The following INPP4A variants were observed in gnomAD, a reference collection of about 807,000 sequenced individuals.
INPP4A encodes inositol polyphosphate-4-phosphatase type I A, also known as inositol polyphosphate-4-phosphatase, type I, 107kD.
INPP4A carries 33 observed loss-of-function variants against 119.8 expected under a neutral mutation model. The observed-to-expected ratio is 0.28, with a 90% CI of 0.21 to 0.37. The LOEUF (loss-of-function observed/expected upper bound fraction) is 0.37. INPP4A is among the 10% of genes least tolerant of loss of function. The probability of loss-of-function intolerance (pLI) is 1.00; values close to 1 mark genes in which losing one functional copy is unlikely to be tolerated. For missense variants in INPP4A, 956 were observed against 1,289.9 expected (o/e 0.74, Z 3.97); for synonymous variants, 496 against 500.7 (o/e 0.99, Z 0.12).
chr2:98,475,120 A>G (rs928200302), intron 1 of INPP4A, among the ~76,000 whole-genome samples: 3 of 152,076 alleles, frequency 2.0e-5, no homozygotes, highest in African/African-American at 7.2e-5. Context: ...ATGAGTACAA[A>G]TTGTCAAGCA....
intron 24 of INPP4A, among the ~76,000 whole-genome samples, chr2:98,578,782 A>G (rs1240772175): frequency 1.3e-5 from 2 of 152,204 alleles, no homozygotes; most frequent in East Asian, 3.8e-4. Context: ...AATACAGATA[A>G]GCCCCTACAC....
chr2:98,561,265 G>A (rs1695422928), intron 17 of INPP4A, among the ~76,000 whole-genome samples: 1 of 152,222 alleles, frequency 6.6e-6, no homozygotes, highest in East Asian at 1.9e-4. Flanking sequence ...GGTCAGCGAC[G>A]TCACTCAGGA....
chr2:98,490,925 C>T (rs570063320), intron 1 of INPP4A, among the ~76,000 whole-genome samples: 136 of 152,178 alleles, frequency 8.9e-4, no homozygotes, highest in African/African-American at 3.1e-3. Context: ...GAAAACAAAA[C>T]GAAAACCCTT....
chr2:98,556,093 G>A, intron 16 of INPP4A: 3 of 389,208 alleles, frequency 7.7e-6, no homozygotes, highest in Non-Finnish European at 1.4e-5. Context: ...TTGGGCTCCT[G>A]GGCTTTTCAG....
At chr2:98,586,457 A>G in intron 24 of INPP4A, among the ~76,000 whole-genome samples, 1 of 152,132 alleles carries the variant, frequency 6.6e-6, no homozygotes, top group Non-Finnish European at 1.5e-5. Context: ...ACTAAATTTG[A>G]TAACTAGTTG....
chr2:98,492,995 A>G (rs551268713), intron 1 of INPP4A, among the ~76,000 whole-genome samples: 55 of 152,246 alleles, frequency 3.6e-4, no homozygotes, highest in African/African-American at 1.2e-3. Flanking sequence ...ATTATGGGCA[A>G]TGGTTTTATC....
chr2:98,471,988 C>T (rs1283017544), intron 1 of INPP4A, among the ~76,000 whole-genome samples: 1 of 152,198 alleles, frequency 6.6e-6, no homozygotes, highest in Non-Finnish European at 1.5e-5. Flanking sequence ...TGGAGGGCCA[C>T]CTGTCCTTGT....
intron 24 of INPP4A, among the ~76,000 whole-genome samples, chr2:98,582,749 CAG>C (rs1699500789): frequency 1.3e-5 from 2 of 151,522 alleles, no homozygotes; most frequent in Admixed American, 6.6e-5. Flanking sequence ...CTGCATACGC[CAG>C]ACACAGATCA....
chr2:98,551,530 C>T (rs1693517394), intron 13 of INPP4A, among the ~76,000 whole-genome samples: 1 of 152,182 alleles, frequency 6.6e-6, no homozygotes, highest in Non-Finnish European at 1.5e-5. Context: ...CATAATCCAG[C>T]AAGGGAAGGG....
chr2:98,536,641 C>G (rs1423415269), intron 7 of INPP4A, among the ~76,000 whole-genome samples: 1 of 152,140 alleles, frequency 6.6e-6, no homozygotes, highest in African/African-American at 2.4e-5. Flanking sequence ...CCCACTGTCT[C>G]CCAGGATGGA....
chr2:98,527,587 G>A (rs531258342), intron 4 of INPP4A, among the ~76,000 whole-genome samples: 3 of 152,310 alleles, frequency 2.0e-5, no homozygotes, highest in South Asian at 2.1e-4. Context: ...CTCAGGAGAC[G>A]TGAAAAGGCC....
chr2:98,484,527 G>C (rs1210806102), intron 1 of INPP4A, among the ~76,000 whole-genome samples: 1 of 152,100 alleles, frequency 6.6e-6, no homozygotes, highest in Non-Finnish European at 1.5e-5. Flanking sequence ...TGTGGAAGGA[G>C]AGCCCTTCCA....
At chr2:98,485,807 T>C (rs960382524) in intron 1 of INPP4A, among the ~76,000 whole-genome samples, 5 of 152,236 alleles carry the variant, frequency 3.3e-5, no homozygotes, top group African/African-American at 1.2e-4. Flanking sequence ...ACTGAGAAAA[T>C]AGACATCTAT....
chr2:98,496,610 A>C (rs1682009282), intron 1 of INPP4A, among the ~76,000 whole-genome samples: 1 of 152,182 alleles, frequency 6.6e-6, no homozygotes, highest in Non-Finnish European at 1.5e-5. Flanking sequence ...AAATATTTGC[A>C]AACTATACAT....
At chr2:98,538,030 A>G in intron 8 of INPP4A, 56 bp downstream of exon 8, 1 of 1,198,912 alleles carries the variant, frequency 8.3e-7, no homozygotes, top group Middle Eastern at 2.1e-4. Flanking sequence ...ATTAATCAGT[A>G]AAAATGCAGC....
intron 17 of INPP4A, among the ~76,000 whole-genome samples, chr2:98,561,816 G>GCATGTACT (rs1321793476): frequency 6.6e-6 from 1 of 152,228 alleles, no homozygotes; most frequent in Non-Finnish European, 1.5e-5. Flanking sequence ...GAGAAGGATA[G>GCATGTACT]TCTTAAAGAC....
At chr2:98,574,192 A>G (rs925281854) in intron 23 of INPP4A, among the ~76,000 whole-genome samples, 1 of 152,028 alleles carries the variant, frequency 6.6e-6, no homozygotes, top group Non-Finnish European at 1.5e-5. Flanking sequence ...CACACTGGCT[A>G]CGGGGGTCTC....
Position 98,566,203 on chromosome 2 carries a change from G to C in INPP4A, c.2420+34G>C, listed in dbSNP as rs752108867. The C allele has an allele frequency of 2.6e-6, 4 of 1,546,664 alleles. No individual in the cohort carries two copies. The highest frequency in any genetic ancestry group is 4.7e-5 in the East Asian group (2 of 42,342). On this transcript the variant is annotated intron_variant, in intron 21 of 24. Coordinates refer to ENST00000409851, the MANE Select transcript of INPP4A (RefSeq NM_001134225.2). This position sits in a 1 kb window ranked among gnomAD's most constrained non-coding sequence, Gnocchi z 4.2. ...CGGCTCCTCGGGGCTGCGGGGGTGTGGTGGCCCTGGAGATGATGCAGAAAA... is the reference window on the plus strand; with the variant it reads ...CGGCTCCTCGGGGCTGCGGGGGTGTCGTGGCCCTGGAGATGATGCAGAAAA...
chr2:98,458,398 GCTACGGATAGGCAGCAA>G (rs1696545460), intron 1 of INPP4A, among the ~76,000 whole-genome samples: 1 of 152,060 alleles, frequency 6.6e-6, no homozygotes, highest in South Asian at 2.1e-4. Context: ...CCTGGGAGTG[GCTACGGATAGGCAGCAA>G]CTGAACACAA....
Sources: allele counts gnomAD v4.1 joint callset (sites outside exome capture counted in the v4.1 genomes callset), GRCh38; gene constraint gnomAD v4.1.1; non-coding constraint Gnocchi (gnomAD v3.1); transcripts MANE v1.5; gene names NCBI Gene and HGNC (gene_info 2026-07-23, HGNC 2026-07-21).